The following BMP2 variants were observed in gnomAD, a reference collection of about 807,000 sequenced individuals.
BMP2 encodes the protein bone morphogenetic protein 2, also known as bone morphogenetic protein 2A.
In BMP2, 2 loss-of-function variants were observed where a neutral mutation model predicts 28.8. That is an observed-to-expected ratio of 0.07 (90% CI 0.03 to 0.22). The LOEUF is 0.22. Ranked by LOEUF, BMP2 falls within the 10% of genes least tolerant of loss-of-function variation. BMP2 has a pLI of 1.00. For synonymous variants in BMP2, 218 were observed against 204.3 expected, an observed-to-expected ratio of 1.07 and a Z score of -0.57; for missense variants, 437 against 517.7, an observed-to-expected ratio of 0.84 and a Z score of 1.51.
chr20:6,776,803 G>A (rs938989835), intron 2 of BMP2, among the ~76,000 whole-genome samples: 1 of 152,188 alleles, frequency 6.6e-6, no homozygotes, highest in Middle Eastern at 3.2e-3. Flanking sequence ...GCTTACACGG[G>A]TAGATCCTTT....
chr20:6,769,279 A>G (rs955841739), intron 1 of BMP2, among the ~76,000 whole-genome samples: 1 of 151,914 alleles, frequency 6.6e-6, no homozygotes, highest in East Asian at 1.9e-4. Context: ...CCATTCTTCA[A>G]GTGTTTCCGG....
At position 6,780,040 on chromosome 20, in the gene BMP2, T is replaced by C. The variant is rs984716481; in HGVS notation, c.*951T>C. ...TTGGAAATTTATTTGTGTTTTACCT[T>C]TACCTCATCTGAGAGCTCTTTATTC... On this transcript the variant is annotated 3_prime_UTR_variant, in exon 3 of 3. Transcript: ENST00000378827. The C allele has an allele frequency of 5.9e-5, 9 of 152,774 alleles. No homozygotes were observed. Among genetic ancestry groups the C allele is most frequent in the African/African-American group, 2.2e-4 (9 of 41,574 alleles). 9.5% of individuals were successfully genotyped at this position (152,774 alleles called of 1,614,324 possible).
chr20:6,770,001 C>G, intron 1 of BMP2, 119 bp from the exon 2 acceptor site: 3 of 1,075,890 alleles, frequency 2.8e-6, no homozygotes, highest in Non-Finnish European at 3.9e-6. Flanking sequence ...GTGAGTGTGC[C>G]AAGCCAGGAG....
At chr20:6,773,515 C>T (rs1986439852) in intron 2 of BMP2, among the ~76,000 whole-genome samples, 1 of 152,186 alleles carries the variant, frequency 6.6e-6, no homozygotes, top group Non-Finnish European at 1.5e-5. Context: ...TTCTCTTAAT[C>T]CCTTTGCAGT....
intron 2 of BMP2, among the ~76,000 whole-genome samples, chr20:6,776,121 A>C (rs1247767504): frequency 6.6e-6 from 1 of 152,182 alleles, no homozygotes; most frequent in Non-Finnish European, 1.5e-5. Flanking sequence ...AGAAAAAAAC[A>C]GGCCAAACAC....
chr20:6,771,020 A>G (rs1048408907), intron 2 of BMP2, among the ~76,000 whole-genome samples: 2 of 152,172 alleles, frequency 1.3e-5, no homozygotes, highest in African/African-American at 4.8e-5. Context: ...TTGAATCCCA[A>G]TCTAATCCCC....
At chr20:6,770,071 G>C in intron 1 of BMP2, 49 bp from the exon 2 acceptor site, 1 of 1,478,012 alleles carries the variant, frequency 6.8e-7, no homozygotes, top group Admixed American at 2.1e-5. Flanking sequence ...GCGCGAGGGG[G>C]GAGGACTGGG....
rs542262477 is a variant in BMP2 at position 6,768,731 on chromosome 20, G to A, written c.-152G>A. 3 of 397,590 alleles carry A rather than the reference G, an allele frequency of 7.5e-6. No homozygotes were observed. The highest frequency in any genetic ancestry group is 7.1e-5 in the East Asian group (2 of 28,030). The allele number at this position is 397,590 out of a possible 1,614,324, so 24.6% of individuals were successfully genotyped here. ...GCGTGAAAAGAGAGACTGCGCGGCC[G>A]GCACCCGGGAGAAGGAGGAGGCAAA... On this transcript the variant is annotated 5_prime_UTR_variant, in exon 1 of 3. Coordinates refer to ENST00000378827, the MANE Select transcript of BMP2 (RefSeq NM_001200.4).
intron 1 of BMP2, 42 bp downstream of exon 1, chr20:6,768,917 G>GT: frequency 1.1e-5 from 3 of 261,836 alleles, no homozygotes; most frequent in South Asian, 1.7e-4. Flanking sequence ...TGGTGGGTGG[G>GT]AGGGGGATTT....
chr20:6,779,639 C>A lies in BMP2; in HGVS notation c.*550C>A, dbSNP rs1005643562. The A allele has an allele frequency of 1.3e-5, 2 of 152,552 alleles. No homozygotes were observed. Among genetic ancestry groups the A allele is most frequent in the South Asian group, 4.1e-4 (2 of 4,832 alleles). 9.4% of individuals were successfully genotyped at this position (152,552 alleles called of 1,614,324 possible). A position where few individuals can be genotyped will look rare whatever the true frequency, so the allele number is the denominator to read the frequency against. ...GTCCAGAAAAAAAAAGTGGATAATC[C>A]ACTCTGCTGACTTTCAAGATTATTA... On this transcript the variant is annotated 3_prime_UTR_variant, in exon 3 of 3. Transcript: ENST00000378827.
Position 6,778,113 on chromosome 20 carries a change from C to T in BMP2, c.347-132C>T. The T allele has an allele frequency of 1.5e-6, 2 of 1,314,828 alleles. No homozygotes were observed. Among genetic ancestry groups the T allele is most frequent in the South Asian group, 1.6e-5 (1 of 61,196 alleles). 81.4% of individuals were successfully genotyped at this position (1,314,828 alleles called of 1,614,324 possible). ...GAGGAAATTTTTATTTTCTGGTTAC[C>T]TACTTTTACATGGGTTACATCAAAT... On this transcript the variant is annotated intron_variant, in intron 2 of 2. Transcript: ENST00000378827. This position sits in a 1 kb window ranked among gnomAD's most constrained non-coding sequence, Gnocchi z 5.0.
rs905185561 is a variant in BMP2, at chr20:6,779,682, G to T, written c.*593G>T. The T allele has an allele frequency of 6.6e-6, 1 of 152,596 alleles. No individual in the cohort carries two copies. The highest frequency in any genetic ancestry group is 1.5e-5 in the Non-Finnish European group (1 of 68,034). The allele number at this position is 152,596 out of a possible 1,614,324, so 9.5% of individuals were successfully genotyped here. On this transcript the variant is annotated 3_prime_UTR_variant, in exon 3 of 3. Transcript: ENST00000378827. The stretch of plus-strand genomic sequence containing the variant: ...GATTATTATATTATTCAATTCTCAG[G>T]AATGTTGCAGAGTGATTGTCCAATC...
rs1003873144 is a variant in BMP2, at chr20:6,768,717, G to A, written c.-166G>A. 1.8e-5 allele frequency: 7 copies of A among 397,290 alleles called. No homozygotes were observed. The highest frequency in any genetic ancestry group is 1.2e-4 in the African/African-American group (6 of 48,606). 24.6% of individuals were successfully genotyped at this position (397,290 alleles called of 1,614,324 possible). ...AGACGCTGTTCCCAGCGTGAAAAGA[G>A]AGACTGCGCGGCCGGCACCCGGGAG... On this transcript the variant is annotated 5_prime_UTR_variant, in exon 1 of 3. Transcript: ENST00000378827.
rs1986548798 is a variant in BMP2, at chr20:6,778,479, C to A, written c.581C>A (p.Thr194Asn). The A allele has an allele frequency of 4.3e-6, 7 of 1,614,036 alleles. No individual in the cohort carries two copies. In the South Asian group the frequency reaches 6.6e-5, roughly 15 times the overall value. Residue 194 changes from threonine (T) to asparagine (N), a missense_variant, in exon 3 of 3, where the codon ACC becomes AAC. This residue lies in a region of BMP2 where 363 missense variants were observed against 392.8 expected (regional missense o/e 0.92). Coordinates refer to ENST00000378827, the MANE Select transcript of BMP2 (RefSeq NM_001200.4). This position sits in a 1 kb window ranked among gnomAD's most constrained non-coding sequence, Gnocchi z 5.0. ...SKFPVTRLLDTRLVNQNASRW... is the reference protein window; with the variant it reads ...SKFPVTRLLDNRLVNQNASRW... ...TTCCCCGTGACCAGACTTTTGGACACCAGGTTGGTGAATCAGAATGCAAGC... is the reference window on the plus strand; with the variant it reads ...TTCCCCGTGACCAGACTTTTGGACAACAGGTTGGTGAATCAGAATGCAAGC...
In BMP2 at chr20:6,770,485, G is replaced by C. The variant is rs1222326452; in HGVS notation, c.346+13G>C. The C allele has an allele frequency of 6.4e-7, 1 of 1,571,584 alleles. No individual in the cohort carries two copies. Among genetic ancestry groups the C allele is most frequent in the East Asian group, 2.3e-5 (1 of 44,262 alleles). Reference sequence around the variant, plus strand: ...TTCCACCATGAAGGTGAGGCATGGAGCAGGGCGTGGGGGCGGGGAGTCACC... The same window carrying C: ...TTCCACCATGAAGGTGAGGCATGGACCAGGGCGTGGGGGCGGGGAGTCACC... On this transcript the variant is annotated intron_variant, in intron 2 of 2. Coordinates refer to ENST00000378827, the MANE Select transcript of BMP2 (RefSeq NM_001200.4).
At chr20:6,768,958 C>T (rs1051102606) in intron 1 of BMP2, 83 bp downstream of exon 1, 1 of 398,166 alleles carries the variant, frequency 2.5e-6, no homozygotes, top group Non-Finnish European at 4.4e-6. Context: ...CCCTTCCTTA[C>T]GTCCAGGCCA....
Position 6,778,194 on chromosome 20 carries a change from C to A in BMP2, c.347-51C>A. ...TAATCAAACGTCATTACTTGGCTTA[C>A]TGAAATTCAGACTTTTCTTTTTTCT... On this transcript the variant is annotated intron_variant, in intron 2 of 2. Coordinates refer to ENST00000378827, the MANE Select transcript of BMP2 (RefSeq NM_001200.4). This position sits in a 1 kb window ranked among gnomAD's most constrained non-coding sequence, Gnocchi z 5.0. 1 of 1,530,596 alleles carries A rather than the reference C, an allele frequency of 6.5e-7. No homozygotes were observed. The allele number at this position is 1,530,596 out of a possible 1,614,324, so 94.8% of individuals were successfully genotyped here.
Position 6,770,280 on chromosome 20 carries a change from G to T in BMP2, c.154G>T (p.Glu52Ter). ...SSQPSDEVLS[E>*]FELRLLSMFG... ...CCAGCCCTCTGACGAGGTCCTGAGCGAGTTCGAGTTGCGGCTGCTCAGCAT... is the reference window on the plus strand; with the variant it reads ...CCAGCCCTCTGACGAGGTCCTGAGCTAGTTCGAGTTGCGGCTGCTCAGCAT... The change falls in exon 2 of 3, where the codon GAG becomes TAG. Residue 52 changes from glutamate (E) to a stop codon, truncating the protein, a stop_gained. Coordinates refer to ENST00000378827, the MANE Select transcript of BMP2 (RefSeq NM_001200.4). LOFTEE classifies it high-confidence loss of function. The T allele has an allele frequency of 6.2e-7, 1 of 1,613,408 alleles. No homozygotes were observed.
chr20:6,770,114 C>A lies in BMP2; in HGVS notation c.-7-6C>A. On this transcript the variant is annotated splice_region_variant and splice_polypyrimidine_tract_variant and intron_variant, in intron 1 of 2. Coordinates refer to ENST00000378827, the MANE Select transcript of BMP2 (RefSeq NM_001200.4). ...CTCGGGTGACTCACGTCGGTCCTGT[C>A]CGCAGGTCGACCATGGTGGCCGGGA... The A allele has an allele frequency of 6.5e-7, 1 of 1,531,890 alleles. No individual in the cohort carries two copies. Among genetic ancestry groups the A allele is most frequent in the Non-Finnish European group, 8.8e-7 (1 of 1,139,410 alleles). 94.9% of individuals were successfully genotyped at this position (1,531,890 alleles called of 1,614,324 possible).
Sources: allele counts gnomAD v4.1 joint callset (sites outside exome capture counted in the v4.1 genomes callset), GRCh38; gene constraint gnomAD v4.1.1; regional missense constraint gnomAD v4.1.1; non-coding constraint Gnocchi (gnomAD v3.1); transcripts MANE v1.5; gene names NCBI Gene and HGNC (gene_info 2026-07-23, HGNC 2026-07-21).